UBASH3B: variants seen among roughly 807,000 people sequenced by gnomAD.
UBASH3B encodes the protein ubiquitin-associated and SH3 domain-containing protein B.
UBASH3B carries 37 observed loss-of-function variants against 83.4 expected under a neutral mutation model. The ratio of observed to expected loss-of-function variants is 0.44; its 90% CI spans 0.34 to 0.58. The LOEUF is 0.58. Ranked by LOEUF, UBASH3B falls within the 20% of genes least tolerant of loss-of-function variation. The probability of loss-of-function intolerance (pLI) is 0.01; values close to 1 mark genes in which losing one functional copy is unlikely to be tolerated. For missense variants in UBASH3B, 657 were observed against 827.2 expected (o/e 0.79, Z 2.52); for synonymous variants, 304 against 318.3 (o/e 0.96, Z 0.48).
At chr11:122,757,709 CTTTTTTTTTT>C (rs781180822) in intron 1 of UBASH3B, among the ~76,000 whole-genome samples, 1 of 92,114 alleles carries the variant, frequency 1.1e-5, no homozygotes, top group African/African-American at 3.8e-5. Context: ...CTTCTTTTCC[CTTTTTTTTTT>C]TTTTTTTTTT....
At chr11:122,738,589 G>A (rs1317264856) in intron 1 of UBASH3B, among the ~76,000 whole-genome samples, 1 of 152,144 alleles carries the variant, frequency 6.6e-6, no homozygotes, top group African/African-American at 2.4e-5. Flanking sequence ...AGTTGAGCCT[G>A]TAAAGAATGT....
intron 1 of UBASH3B, among the ~76,000 whole-genome samples, chr11:122,665,829 G>A (rs1020945173): frequency 5.3e-5 from 8 of 152,340 alleles, no homozygotes; most frequent in African/African-American, 1.9e-4. Context: ...ATAAGAGGAA[G>A]GTAGTGCCTT....
intron 10 of UBASH3B, among the ~76,000 whole-genome samples, chr11:122,799,430 T>C (rs1411440846): frequency 6.7e-6 from 1 of 149,704 alleles, no homozygotes; most frequent in Non-Finnish European, 1.5e-5. Flanking sequence ...GAGGTTGTGG[T>C]GAGCCAAGAT....
intron 1 of UBASH3B, among the ~76,000 whole-genome samples, chr11:122,694,650 G>C (rs1863938738): frequency 6.6e-6 from 1 of 152,142 alleles, no homozygotes; most frequent in Admixed American, 6.6e-5. Context: ...AAAATTAATG[G>C]GTTGATGGTA....
intron 1 of UBASH3B, among the ~76,000 whole-genome samples, chr11:122,768,435 T>A (rs1445607116): frequency 6.6e-6 from 1 of 151,222 alleles, no homozygotes; most frequent in Admixed American, 6.6e-5. Flanking sequence ...TATATATGAG[T>A]ATATTAAAAA....
chr11:122,809,817 A>G lies in UBASH3B; in HGVS notation c.1881A>G (p.Pro627=). 6.2e-7 allele frequency: 1 copy of G among 1,614,212 alleles called. No homozygotes were observed. Among genetic ancestry groups the G allele is most frequent in the Middle Eastern group, 1.6e-4 (1 of 6,062 alleles). The change falls in exon 14 of 14, where the codon CCA becomes CCG. Residue 627 remains proline, a synonymous_variant. Coordinates refer to ENST00000284273, the MANE Select transcript of UBASH3B (RefSeq NM_032873.5). The part of the protein sequence containing the change: ...GETGIWQLTD[P]PILPLTHGPT... ...CTGGAATATGGCAGCTGACAGATCC[A>G]CCAATCCTTCCTCTTACCCATGGAC...
intron 1 of UBASH3B, among the ~76,000 whole-genome samples, chr11:122,691,091 G>A (rs766701010): frequency 5.9e-5 from 9 of 152,144 alleles, no homozygotes; most frequent in Non-Finnish European, 7.3e-5. Context: ...CAAATGAAAG[G>A]TCATGGTTAA....
chr11:122,788,813 G>A (rs1861000582), intron 5 of UBASH3B, among the ~76,000 whole-genome samples: 1 of 152,110 alleles, frequency 6.6e-6, no homozygotes, highest in African/African-American at 2.4e-5. Flanking sequence ...CAGGATTTCA[G>A]GTCAATTTCC....
intron 5 of UBASH3B, among the ~76,000 whole-genome samples, chr11:122,785,162 G>A (rs905631464): frequency 3.9e-5 from 6 of 152,138 alleles, no homozygotes; most frequent in African/African-American, 1.4e-4. Flanking sequence ...GGCATGGAAG[G>A]AAAAAGGCAG....
intron 12 of UBASH3B, among the ~76,000 whole-genome samples, chr11:122,807,323 CAT>C (rs1861358436): frequency 2.0e-5 from 3 of 152,194 alleles, no homozygotes; most frequent in Admixed American, 6.5e-5. Context: ...AAAAGCTACA[CAT>C]ATGATAGAAT....
At position 122,779,690 on chromosome 11, in the gene UBASH3B, A is replaced by C; in HGVS notation, c.596A>C (p.Lys199Thr). The C allele has an allele frequency of 6.2e-7, 1 of 1,614,156 alleles. No homozygotes were observed. Among genetic ancestry groups the C allele is most frequent in the Non-Finnish European group, 8.5e-7 (1 of 1,180,024 alleles). ...AADFAAEAAS[K>T]TEVHVEPHKK... ...GACTTTGCTGCAGAGGCTGCATCCA[A>C]AACCGGTGAGCAAACAGCTGCCAGG... The change falls in exon 4 of 14, where the codon AAA (lysine) becomes ACA (threonine). Residue 199 changes from lysine (K) to threonine (T), a missense_variant. Around this residue, in one of 3 missense-constraint regions of UBASH3B, gnomAD observed 573 missense variants for 739.0 expected, o/e 0.78. Coordinates refer to ENST00000284273, the MANE Select transcript of UBASH3B (RefSeq NM_032873.5).
chr11:122,703,778 C>A (rs1458533475), intron 1 of UBASH3B, among the ~76,000 whole-genome samples: 3 of 152,154 alleles, frequency 2.0e-5, no homozygotes, highest in Non-Finnish European at 2.9e-5. Context: ...ATTCTAAAAG[C>A]AAGAGAACAT....
At chr11:122,729,301 T>C (rs556609128) in intron 1 of UBASH3B, among the ~76,000 whole-genome samples, 1 of 152,256 alleles carries the variant, frequency 6.6e-6, no homozygotes, top group South Asian at 2.1e-4. Context: ...GTGGCCCAGT[T>C]CAGCTGAGAT....
At chr11:122,740,341 A>T (rs1284870858) in intron 1 of UBASH3B, among the ~76,000 whole-genome samples, 1 of 152,172 alleles carries the variant, frequency 6.6e-6, no homozygotes, top group Non-Finnish European at 1.5e-5. Flanking sequence ...CCAGGTGAAG[A>T]AAAGGGGATG....
chr11:122,784,787 G>A (rs1478730406), intron 5 of UBASH3B, among the ~76,000 whole-genome samples: 6 of 152,166 alleles, frequency 3.9e-5, no homozygotes, highest in Non-Finnish European at 7.3e-5. Context: ...TGAGTGTCAG[G>A]GGCTGCAGTT....
In UBASH3B at chr11:122,810,061, T is replaced by G; in HGVS notation, c.*175T>G. On this transcript the variant is annotated 3_prime_UTR_variant, in exon 14 of 14. Transcript: ENST00000284273. ...CTGTGTAAATGAGAGAAAGACTTGA[T>G]TCAGAGGAAAAAAATGTGTTCTCTC... is the stretch of plus-strand genomic sequence containing the variant. 1.4e-6 allele frequency: 1 copy of G among 732,302 alleles called. No homozygotes were observed. The highest frequency in any genetic ancestry group is 2.1e-6 in the Non-Finnish European group (1 of 476,886). The allele number at this position is 732,302 out of a possible 1,614,324, so 45.4% of individuals were successfully genotyped here.
chr11:122,752,162 C>T (rs1022900673), intron 1 of UBASH3B, among the ~76,000 whole-genome samples: 2 of 152,128 alleles, frequency 1.3e-5, no homozygotes, highest in South Asian at 4.1e-4. Context: ...CTGTCCCTAT[C>T]AATCTGGCCC....
chr11:122,730,591 CTTT>C (rs71054094), intron 1 of UBASH3B, among the ~76,000 whole-genome samples: 16 of 141,736 alleles, frequency 1.1e-4, no homozygotes, highest in Non-Finnish European at 1.4e-4. Context: ...TATTTGGATT[CTTT>C]TTTTTTTTTT....
chr11:122,687,132 G>A (rs1863819658), intron 1 of UBASH3B, among the ~76,000 whole-genome samples: 1 of 152,186 alleles, frequency 6.6e-6, no homozygotes, highest in African/African-American at 2.4e-5. Flanking sequence ...GCCTCCCAAA[G>A]TGCTGGGATT....
Sources: allele counts gnomAD v4.1 joint callset (sites outside exome capture counted in the v4.1 genomes callset), GRCh38; gene constraint gnomAD v4.1.1; regional missense constraint gnomAD v4.1.1; transcripts MANE v1.5; gene names NCBI Gene and HGNC (gene_info 2026-07-23, HGNC 2026-07-21).